The following SNTB2 variants were observed in gnomAD, a reference collection of about 807,000 sequenced individuals.
SNTB2 encodes beta-2-syntrophin.
A neutral mutation model predicts 46.2 loss-of-function variants in SNTB2; 34 were observed. The observed-to-expected ratio is 0.74, with a 90% CI of 0.56 to 0.98. The LOEUF (loss-of-function observed/expected upper bound fraction) is 0.98. SNTB2 is among the 50% of genes least tolerant of loss of function. SNTB2 has a pLI of 0.00. For synonymous variants in SNTB2, 290 were observed against 312.6 expected (o/e 0.93, Z 0.76); for missense variants, 603 against 731.4 (o/e 0.82, Z 2.02).
intron 3 of SNTB2, among the ~76,000 whole-genome samples, chr16:69,264,142 G>A (rs901981848): frequency 2.0e-5 from 3 of 152,070 alleles, no homozygotes; most frequent in South Asian, 2.1e-4. Flanking sequence ...CCACAGTCGC[G>A]AAGAGGCACT....
At position 69,187,244 on chromosome 16, in the gene SNTB2, G is replaced by T; in HGVS notation, c.78G>T (p.Gly26=). Residue 26 remains glycine (G), a synonymous_variant, in exon 1 of 7, where the codon GGG becomes GGT. Coordinates refer to ENST00000336278, the MANE Select transcript of SNTB2 (RefSeq NM_006750.4). The part of the protein sequence containing the change: ...MAVWTRATKA[G]LVELLLRERW... Reference sequence around the variant, plus strand: ...TGTGGACGCGGGCCACCAAAGCGGGGCTGGTGGAGCTGCTCCTGAGGGAGC... The same window carrying T: ...TGTGGACGCGGGCCACCAAAGCGGGTCTGGTGGAGCTGCTCCTGAGGGAGC... The T allele has an allele frequency of 6.8e-7, 1 of 1,475,050 alleles. No homozygotes were observed. Among genetic ancestry groups the T allele is most frequent in the Non-Finnish European group, 9.0e-7 (1 of 1,116,210 alleles). 91.4% of individuals were successfully genotyped at this position (1,475,050 alleles called of 1,614,324 possible). A position where few individuals can be genotyped will look rare whatever the true frequency, so the allele number is the denominator to read the frequency against.
intron 4 of SNTB2, among the ~76,000 whole-genome samples, chr16:69,281,444 T>A (rs1965042998): frequency 6.6e-6 from 1 of 151,670 alleles, no homozygotes; most frequent in Admixed American, 6.6e-5. Context: ...AGGTCAAAGA[T>A]CCATTTTGAG....
At chr16:69,247,726 G>A (rs897479631) in intron 2 of SNTB2, among the ~76,000 whole-genome samples, 15 of 152,232 alleles carry the variant, frequency 9.9e-5, no homozygotes, top group African/African-American at 3.4e-4. Context: ...AAGGGATAAT[G>A]GTACTTAGTG....
chr16:69,295,631 C>A (rs1326235333), intron 5 of SNTB2, among the ~76,000 whole-genome samples: 1 of 151,286 alleles, frequency 6.6e-6, no homozygotes, highest in African/African-American at 2.4e-5. Flanking sequence ...CTAAGTGAAC[C>A]AAGACATAAT....
At position 69,258,605 on chromosome 16, in the gene SNTB2, C is replaced by CTTTTT. The variant is rs67116274; in HGVS notation, c.795-1425_795-1421dup. On this transcript the variant is annotated intron_variant, in intron 2 of 6. Coordinates refer to ENST00000336278, the MANE Select transcript of SNTB2 (RefSeq NM_006750.4). ...TCTTCTGCTAATTTTCTTGTTCTTT[C>CTTTTT]TTTTTTTTTTTTTTTTTTTTTTTTG... Among the ~76,000 whole-genome samples the CTTTTT allele has an allele frequency of 5.6e-3, 467 of 83,492 alleles. 1 individual carries two copies. Among genetic ancestry groups the CTTTTT allele is most frequent in the Non-Finnish European group, 6.5e-3 (288 of 44,428 alleles). 54.8% of individuals were successfully genotyped at this position (83,492 alleles called of 152,430 possible).
At chr16:69,256,012 C>T (rs188431828) in intron 2 of SNTB2, among the ~76,000 whole-genome samples, 2 of 151,912 alleles carry the variant, frequency 1.3e-5, no homozygotes, top group East Asian at 3.9e-4. Context: ...ATAGTGAAAC[C>T]CCGTCTCTAC....
At chr16:69,187,820 C>T (rs1034767016) in intron 1 of SNTB2, 74 bp downstream of exon 1, 3 of 1,236,822 alleles carry the variant, frequency 2.4e-6, no homozygotes, top group East Asian at 3.2e-5. Flanking sequence ...TGTTCCTGCC[C>T]CGCCGGCGGG....
chr16:69,208,780 G>C (rs1964249742), intron 1 of SNTB2, among the ~76,000 whole-genome samples: 1 of 151,600 alleles, frequency 6.6e-6, no homozygotes, highest in Non-Finnish European at 1.5e-5. Flanking sequence ...CGGATCATGA[G>C]ATCAGGAGAT....
In SNTB2 at chr16:69,303,015, C is replaced by G. The variant is rs1232542199; in HGVS notation, c.*2091C>G. ...CTGAGTAGCTGGGGTTATAGCTACC[C>G]ACCACCACACCCAGCTAATTTTTGT... On this transcript the variant is annotated 3_prime_UTR_variant, in exon 7 of 7. Transcript: ENST00000336278. The G allele has an allele frequency of 2.6e-5, 4 of 152,092 alleles. No individual in the cohort carries two copies. The highest frequency in any genetic ancestry group is 9.7e-5 in the African/African-American group (4 of 41,378). 9.4% of individuals were successfully genotyped at this position (152,092 alleles called of 1,614,324 possible).
At chr16:69,201,580 T>C (rs1276468905) in intron 1 of SNTB2, among the ~76,000 whole-genome samples, 1 of 152,152 alleles carries the variant, frequency 6.6e-6, no homozygotes, top group Non-Finnish European at 1.5e-5. Flanking sequence ...TGCTAAATCA[T>C]TGGGTGTTAG....
intron 1 of SNTB2, among the ~76,000 whole-genome samples, chr16:69,222,592 CAAAA>C (rs201176169): frequency 3.6e-5 from 2 of 55,272 alleles, no homozygotes; most frequent in Admixed American, 2.1e-4. Context: ...GACTTCATCT[CAAAA>C]AAAAAAAAAA....
chr16:69,272,388 A>T (rs1964945710), intron 4 of SNTB2, among the ~76,000 whole-genome samples: 1 of 151,438 alleles, frequency 6.6e-6, no homozygotes, highest in Non-Finnish European at 1.5e-5. Context: ...TAAAAATATA[A>T]AAATTAGCCA....
At chr16:69,274,509 C>T (rs1964968225) in intron 4 of SNTB2, among the ~76,000 whole-genome samples, 1 of 151,774 alleles carries the variant, frequency 6.6e-6, no homozygotes, top group Admixed American at 6.6e-5. Context: ...AAAAATTAGC[C>T]GGGTGTGGTG....
Position 69,235,690 on chromosome 16 carries a change from A to C in SNTB2, c.581-9912A>C, listed in dbSNP as rs915494988. The C allele has an allele frequency of 6.4e-6, 8 of 1,258,504 alleles. No individual in the cohort carries two copies. In the African/African-American group the frequency reaches 1.2e-4, roughly 20 times the overall value. 78.0% of individuals were successfully genotyped at this position (1,258,504 alleles called of 1,614,324 possible). ...CCTGGCACCAATATGACAGCTTCAAACTGCTGTATCCCCAGGGCTAACAAC... is the reference window on the plus strand; with the variant it reads ...CCTGGCACCAATATGACAGCTTCAACCTGCTGTATCCCCAGGGCTAACAAC... On this transcript the variant is annotated intron_variant, in intron 1 of 6. Transcript: ENST00000336278.
intron 2 of SNTB2, among the ~76,000 whole-genome samples, chr16:69,249,334 T>G (rs1375805582): frequency 1.3e-5 from 2 of 152,050 alleles, no homozygotes; most frequent in African/African-American, 4.8e-5. Context: ...CCATAAATAA[T>G]TTTTGAGAAT....
intron 1 of SNTB2, among the ~76,000 whole-genome samples, chr16:69,244,548 A>C (rs1964650884): frequency 6.6e-6 from 1 of 152,204 alleles, no homozygotes; most frequent in African/African-American, 2.4e-5. Flanking sequence ...TTGAAACAAG[A>C]ACACCATGCC....
At chr16:69,272,690 G>C (rs775931187) in intron 4 of SNTB2, among the ~76,000 whole-genome samples, 1 of 148,334 alleles carries the variant, frequency 6.7e-6, no homozygotes, top group Non-Finnish European at 1.5e-5. Context: ...TCAGGAGCTC[G>C]AGACCAGCCT....
chr16:69,201,459 G>A (rs1427280005), intron 1 of SNTB2, among the ~76,000 whole-genome samples: 1 of 152,166 alleles, frequency 6.6e-6, no homozygotes, highest in African/African-American at 2.4e-5. Flanking sequence ...GATTAGGGAG[G>A]CGGGGACATA....
chr16:69,195,511 G>A (rs1235724737), intron 1 of SNTB2, among the ~76,000 whole-genome samples: 2 of 151,612 alleles, frequency 1.3e-5, no homozygotes, highest in Non-Finnish European at 2.9e-5. Context: ...TTAAGCAGAA[G>A]TGGAATGTAT....
Sources: gnomAD v4.1 joint callset for allele counts (sites outside exome capture counted in the v4.1 genomes callset) on GRCh38, gnomAD v4.1.1 for gene constraint, MANE v1.5 for transcripts, NCBI Gene and HGNC (gene_info 2026-07-23, HGNC 2026-07-21) for gene names.